The following CCDC33 variants were observed in gnomAD, a reference collection of about 807,000 sequenced individuals.
The protein encoded by CCDC33 is coiled-coil domain-containing protein 33.
A neutral mutation model predicts 91.9 loss-of-function variants in CCDC33; 94 were observed. That is an observed-to-expected ratio of 1.02 (90% CI 0.87 to 1.21). CCDC33 has a LOEUF of 1.21. Ranked by LOEUF, CCDC33 falls within the 50% of genes most tolerant of loss-of-function variation. The pLI is 0.00. For synonymous variants in CCDC33, 396 were observed against 374.5 expected (o/e 1.06, Z -0.66); for missense variants, 940 against 935.5 (o/e 1.00, Z -0.06).
chr15:74,230,473 T>C (rs2074936025), intron 2 of CCDC33, among the ~76,000 whole-genome samples: 2 of 152,206 alleles, frequency 1.3e-5, no homozygotes, highest in African/African-American at 4.8e-5. Flanking sequence ...AAAAGCAACG[T>C]TGCATCTTTA....
chr15:74,250,682 A>G (rs974626536), intron 2 of CCDC33, among the ~76,000 whole-genome samples: 1 of 152,200 alleles, frequency 6.6e-6, no homozygotes, highest in Non-Finnish European at 1.5e-5. Flanking sequence ...GTGGACAACC[A>G]CCAGGTCTGC....
At chr15:74,223,205 C>T (rs922246447) in intron 2 of CCDC33, among the ~76,000 whole-genome samples, 2 of 152,162 alleles carry the variant, frequency 1.3e-5, no homozygotes, top group African/African-American at 4.8e-5. Flanking sequence ...GCCTCCCCTT[C>T]TGCCACTCCC....
chr15:74,305,920 G>C (rs1289339367), intron 11 of CCDC33, among the ~76,000 whole-genome samples: 1 of 152,118 alleles, frequency 6.6e-6, no homozygotes, highest in Non-Finnish European at 1.5e-5. Context: ...TTGTTAAGTA[G>C]AGGAAATACT....
chr15:74,332,817 C>T lies in CCDC33; in HGVS notation c.1910C>T (p.Pro637Leu). The T allele has an allele frequency of 6.2e-7, 1 of 1,614,144 alleles. No homozygotes were observed. Among genetic ancestry groups the T allele is most frequent in the Non-Finnish European group, 8.5e-7 (1 of 1,180,014 alleles). ...ELDKNRHQQA[P>L]IILQQQALPD... The stretch of plus-strand genomic sequence containing the variant: ...GATAAGAACCGCCACCAGCAGGCCC[C>T]CATCATTCTGCAGCAACAGGCCCTG... Residue 637 changes from proline to leucine, a missense_variant, in exon 16 of 19, where the codon CCC becomes CTC. By Grantham distance (98) the Pro-to-Leu change is moderately conservative (BLOSUM62 -3). Transcript: ENST00000398814.
intron 11 of CCDC33, among the ~76,000 whole-genome samples, chr15:74,324,294 C>A (rs1355114596): frequency 6.6e-6 from 1 of 152,038 alleles, no homozygotes; most frequent in Non-Finnish European, 1.5e-5. Context: ...TCACCCACAT[C>A]ATGGTTTCTT....
upstream of CCDC33, among the ~76,000 whole-genome samples, chr15:74,213,677 G>A (rs2074389163): frequency 6.6e-6 from 1 of 152,184 alleles, no homozygotes; most frequent in African/African-American, 2.4e-5. Context: ...GACGGAGGGA[G>A]ACTGGCTGCC....
At chr15:74,211,828 C>CCTTTCCTTCTGTCTCTCTCTA (rs989455910) in intron 2 of CCDC33, among the ~76,000 whole-genome samples, 1 of 152,110 alleles carries the variant, frequency 6.6e-6, no homozygotes, top group Non-Finnish European at 1.5e-5. Flanking sequence ...CAGTCTCCCT[C>CCTTTCCTTCTGTCTCTCTCTA]CTTTCCTTCT....
chr15:74,207,795 C>A (rs2074294985), intron 1 of CCDC33: 1 of 1,535,652 alleles, frequency 6.5e-7, no homozygotes. Context: ...AGTGGCACAG[C>A]ACACTCACAC....
intron 11 of CCDC33, among the ~76,000 whole-genome samples, chr15:74,329,033 C>G (rs2060370767): frequency 6.6e-6 from 1 of 152,224 alleles, no homozygotes. Flanking sequence ...TATGATGGTG[C>G]CACTGCACGA....
intron 18 of CCDC33, chr15:74,335,528 T>G (rs1012009183): frequency 3.9e-5 from 14 of 360,716 alleles, no homozygotes; most frequent in Non-Finnish European, 7.1e-5. Context: ...CTTTGCCAAC[T>G]TCCCGAGAAC....
intron 11 of CCDC33, among the ~76,000 whole-genome samples, chr15:74,324,230 A>G (rs1272977216): frequency 3.3e-5 from 5 of 151,942 alleles, no homozygotes; most frequent in Admixed American, 2.6e-4. Context: ...GGGCACCGTG[A>G]CATACACATT....
intron 2 of CCDC33, among the ~76,000 whole-genome samples, chr15:74,246,921 C>T (rs1009003058): frequency 6.6e-6 from 1 of 151,148 alleles, no homozygotes; most frequent in Non-Finnish European, 1.5e-5. Context: ...CCGAGGTGGG[C>T]GGATCACAGG....
intron 2 of CCDC33, among the ~76,000 whole-genome samples, chr15:74,221,097 C>T (rs1418510407): frequency 6.6e-6 from 1 of 152,182 alleles, no homozygotes; most frequent in East Asian, 1.9e-4. Context: ...GATTTTATCC[C>T]TCCCAAGTTA....
At chr15:74,269,780 G>C (rs1318618393) in intron 5 of CCDC33, among the ~76,000 whole-genome samples, 1 of 150,582 alleles carries the variant, frequency 6.6e-6, no homozygotes, top group South Asian at 2.1e-4. Context: ...CTCTCCATCC[G>C]TGCGACAGGT....
At chr15:74,247,163 G>T (rs796576339) in intron 2 of CCDC33, among the ~76,000 whole-genome samples, 21 of 149,936 alleles carry the variant, frequency 1.4e-4, no homozygotes, top group African/African-American at 5.2e-4. Flanking sequence ...AAAAGTAAAA[G>T]AAAAAGAAAA....
At chr15:74,245,523 A>G (rs1279358612) in intron 2 of CCDC33, among the ~76,000 whole-genome samples, 3 of 152,164 alleles carry the variant, frequency 2.0e-5, no homozygotes, top group Non-Finnish European at 2.9e-5. Flanking sequence ...ATCGCCGATC[A>G]TCTCGGGAGA....
At chr15:74,296,503 G>A (rs567389619) in intron 11 of CCDC33, among the ~76,000 whole-genome samples, 1 of 152,188 alleles carries the variant, frequency 6.6e-6, no homozygotes, top group Non-Finnish European at 1.5e-5. Flanking sequence ...GTGCATGGCT[G>A]TAATTCCAGC....
chr15:74,279,836 C>A, intron 7 of CCDC33, 127 bp from the exon 8 acceptor site: 1 of 1,334,908 alleles, frequency 7.5e-7, no homozygotes, highest in Non-Finnish European at 1.0e-6. Flanking sequence ...TGTGCCCAGC[C>A]AGCTTGCTTT....
intron 7 of CCDC33, among the ~76,000 whole-genome samples, chr15:74,279,457 T>C (rs2076532110): frequency 6.6e-6 from 1 of 152,372 alleles, no homozygotes; most frequent in East Asian, 1.9e-4. Flanking sequence ...GGAGCTGTTT[T>C]TCTTCTTCCT....
Sources: allele counts gnomAD v4.1 joint callset (sites outside exome capture counted in the v4.1 genomes callset), GRCh38; gene constraint gnomAD v4.1.1; transcripts MANE v1.5; gene names NCBI Gene and HGNC (gene_info 2026-07-23, HGNC 2026-07-21).